RYK: variants seen among roughly 807,000 people sequenced by gnomAD.
RYK encodes inactive tyrosine-protein kinase RYK.
RYK carries 21 observed loss-of-function variants against 70.2 expected under a neutral mutation model. The ratio of observed to expected loss-of-function variants is 0.30; its 90% CI spans 0.21 to 0.43. RYK has a LOEUF of 0.43. RYK is among the 20% of genes least tolerant of loss of function. The pLI, the probability that RYK is intolerant of heterozygous loss-of-function variation, is 1.00. For synonymous variants in RYK, 267 were observed against 278.0 expected (o/e 0.96, Z 0.39); for missense variants, 604 against 753.3 (o/e 0.80, Z 2.32).
At chr3:134,245,218 A>ACCAC (rs1404519329) in intron 1 of RYK, among the ~76,000 whole-genome samples, 4 of 152,098 alleles carry the variant, frequency 2.6e-5, no homozygotes, top group Non-Finnish European at 4.4e-5. Context: ...TACTACTACA[A>ACCAC]CCACCATTAA....
chr3:134,178,277 G>A, intron 10 of RYK: 1 of 427,644 alleles, frequency 2.3e-6, no homozygotes, highest in Non-Finnish European at 4.0e-6. Context: ...CCCCATATAT[G>A]CACATTCTTG....
chr3:134,160,772 T>C (rs868314241), intron 13 of RYK, among the ~76,000 whole-genome samples: 5 of 152,116 alleles, frequency 3.3e-5, no homozygotes, highest in Non-Finnish European at 5.9e-5. Context: ...GGAGAATCGC[T>C]TAAACCCGGG....
chr3:134,248,398 A>G (rs1199978003), intron 1 of RYK, among the ~76,000 whole-genome samples: 1 of 152,236 alleles, frequency 6.6e-6, no homozygotes. Context: ...TAACAAATAT[A>G]TAACTCAAGT....
intron 1 of RYK, among the ~76,000 whole-genome samples, chr3:134,229,088 C>T (rs941529359): frequency 5.3e-5 from 8 of 152,122 alleles, no homozygotes; most frequent in Non-Finnish European, 4.4e-5. Flanking sequence ...CCCTATCTTA[C>T]ATATCAAACA....
intron 5 of RYK, among the ~76,000 whole-genome samples, chr3:134,204,383 C>G (rs1424479841): frequency 6.6e-6 from 1 of 151,766 alleles, no homozygotes; most frequent in Non-Finnish European, 1.5e-5. Flanking sequence ...CCTGTAGTCC[C>G]AGCTACTCGA....
intron 8 of RYK, among the ~76,000 whole-genome samples, chr3:134,190,826 G>C (rs1334850256): frequency 1.3e-5 from 2 of 152,092 alleles, no homozygotes; most frequent in African/African-American, 4.8e-5. Context: ...AACATTAATT[G>C]ATCTCTCATT....
chr3:134,249,557 G>C (rs1474803327), intron 1 of RYK, among the ~76,000 whole-genome samples: 1 of 152,140 alleles, frequency 6.6e-6, no homozygotes, highest in Non-Finnish European at 1.5e-5. Flanking sequence ...CCTCTAAGGG[G>C]TCATTTCCAG....
At chr3:134,246,817 C>A (rs1369661929) in intron 1 of RYK, among the ~76,000 whole-genome samples, 14 of 152,028 alleles carry the variant, frequency 9.2e-5, no homozygotes, top group African/African-American at 3.1e-4. Context: ...AAAAGGAAGA[C>A]AGGAGATCTA....
chr3:134,204,989 G>A (rs1483847816), intron 5 of RYK, among the ~76,000 whole-genome samples: 4 of 152,178 alleles, frequency 2.6e-5, no homozygotes, highest in Non-Finnish European at 5.9e-5. Flanking sequence ...GTGTCACAGT[G>A]AAGATGAGAA....
At chr3:134,166,193 A>C (rs2012660138) in intron 13 of RYK, among the ~76,000 whole-genome samples, 1 of 152,200 alleles carries the variant, frequency 6.6e-6, no homozygotes, top group South Asian at 2.1e-4. Context: ...TCAGGTCATG[A>C]GAGTGCAGCC....
At position 134,158,152 on chromosome 3, in the gene RYK, G is replaced by A. The variant is rs370675596; in HGVS notation, c.*1C>T. The A allele has an allele frequency of 2.7e-6, 4 of 1,460,944 alleles. No homozygotes were observed. The African/African-American group carries it at 4.2e-5, about 15-fold the overall frequency. 90.5% of individuals were successfully genotyped at this position (1,460,944 alleles called of 1,614,324 possible). The stretch of plus-strand genomic sequence containing the variant: ...CCTGATGGTGTGGGATTGGAGAGGA[G>A]TCAGACGTAGGCCCCCAGGGCTGCA... On this transcript the variant is annotated 3_prime_UTR_variant, in exon 15 of 15. Transcript: ENST00000623711.
intron 13 of RYK, among the ~76,000 whole-genome samples, chr3:134,162,266 C>T (rs1168637714): frequency 2.0e-5 from 3 of 148,772 alleles, no homozygotes; most frequent in African/African-American, 7.5e-5. Flanking sequence ...AGACGCAGGA[C>T]ACAATTCAAC....
At chr3:134,200,292 G>A (rs1282346918) in intron 6 of RYK, among the ~76,000 whole-genome samples, 2 of 152,108 alleles carry the variant, frequency 1.3e-5, no homozygotes, top group South Asian at 2.1e-4. Flanking sequence ...GTGAGACCAC[G>A]AACCCACCAG....
intron 11 of RYK, 50 bp from the exon 12 acceptor site, chr3:134,176,089 G>T (rs1309794966): frequency 1.7e-5 from 18 of 1,076,736 alleles, no homozygotes; most frequent in Non-Finnish European, 2.2e-5. Context: ...CAAATATGAT[G>T]GCACTTTCTT....
chr3:134,249,554 G>A (rs1483237328), intron 1 of RYK, among the ~76,000 whole-genome samples: 1 of 152,098 alleles, frequency 6.6e-6, no homozygotes, highest in Non-Finnish European at 1.5e-5. Flanking sequence ...CTTCCTCTAA[G>A]GGGTCATTTC....
At chr3:134,163,807 A>G (rs1246681253) in intron 13 of RYK, among the ~76,000 whole-genome samples, 1 of 152,226 alleles carries the variant, frequency 6.6e-6, no homozygotes. Context: ...CTTTCTGTTC[A>G]TATTAGAAAC....
At chr3:134,228,445 T>C (rs2014967314) in intron 1 of RYK, among the ~76,000 whole-genome samples, 1 of 152,208 alleles carries the variant, frequency 6.6e-6, no homozygotes, top group Admixed American at 6.5e-5. Context: ...TCAACCTAAC[T>C]GTCCAACAAG....
rs138798985 is a variant in RYK at position 134,202,989 on chromosome 3, A to G, written c.644-115T>C. ...TCATGTGCCCATTCTTTGTAAGATC[A>G]GTTACCAGTAGCATATTGGTGGAAG... On this transcript the variant is annotated intron_variant, in intron 5 of 14. Coordinates refer to ENST00000623711, the MANE Select transcript of RYK (RefSeq NM_002958.4). The G allele has an allele frequency of 1.0e-4, 78 of 764,900 alleles. No individual in the cohort carries two copies. In the African/African-American group the frequency reaches 1.3e-3, roughly 13 times the overall value. The allele number at this position is 764,900 out of a possible 1,614,324, so 47.4% of individuals were successfully genotyped here. A position where few individuals can be genotyped will look rare whatever the true frequency, so the allele number is the denominator to read the frequency against.
At chr3:134,224,751 T>C (rs1428659410) in intron 1 of RYK, among the ~76,000 whole-genome samples, 1 of 152,230 alleles carries the variant, frequency 6.6e-6, no homozygotes, top group Non-Finnish European at 1.5e-5. Flanking sequence ...AGTGGCCCTA[T>C]CCGGGCTTGA....
Sources: allele counts gnomAD v4.1 joint callset (sites outside exome capture counted in the v4.1 genomes callset), GRCh38; gene constraint gnomAD v4.1.1; transcripts MANE v1.5; gene names NCBI Gene and HGNC (gene_info 2026-07-23, HGNC 2026-07-21).